The following COL24A1 variants were observed in gnomAD, a reference collection of about 807,000 sequenced individuals.
COL24A1 encodes the protein collagen type XXIV alpha 1 chain, also known as collagen alpha-1(XXIV) chain.
In COL24A1, 224 loss-of-function variants were observed where a neutral mutation model predicts 253.9. That is an observed-to-expected ratio of 0.88 (90% CI 0.79 to 0.99). The LOEUF (loss-of-function observed/expected upper bound fraction) is 0.99, where lower values mean the gene tolerates loss of function less well. Ranked by LOEUF, COL24A1 falls within the 50% of genes least tolerant of loss-of-function variation. The probability of loss-of-function intolerance (pLI) is 0.00; values close to 1 mark genes in which losing one functional copy is unlikely to be tolerated. For synonymous variants in COL24A1, 685 were observed against 673.7 expected, an observed-to-expected ratio of 1.02 and a Z score of -0.26; for missense variants, 2,131 against 2,068.5, an observed-to-expected ratio of 1.03 and a Z score of -0.59.
intron 24 of COL24A1, among the ~76,000 whole-genome samples, chr1:85,912,532 G>GA (rs1168183185): frequency 7.9e-5 from 12 of 152,130 alleles, no homozygotes; most frequent in Non-Finnish European, 1.3e-4. Context: ...ACTGACTCAT[G>GA]AAAAATGACT....
rs576265019 is a variant in COL24A1 at position 86,022,939 on chromosome 1, C to T, written c.2103+15G>A. 1 of 1,612,916 alleles carries T rather than the reference C, an allele frequency of 6.2e-7. No homozygotes were observed. The highest frequency in any genetic ancestry group is 1.1e-5 in the South Asian group (1 of 90,956). ...AGATTAAAGGGAAATATCCATTATA[C>T]AAATAGAACCATACCATTGGGCCAG... is the stretch of plus-strand genomic sequence containing the variant. On this transcript the variant is annotated intron_variant, in intron 15 of 59. Transcript: ENST00000370571.
At chr1:85,847,581 A>G (rs1275126357) in intron 39 of COL24A1, 84 bp downstream of exon 39, 4 of 913,166 alleles carry the variant, frequency 4.4e-6, no homozygotes, top group Non-Finnish European at 7.0e-6. Flanking sequence ...TGTAAAGCTA[A>G]TCAAGGGATG....
intron 14 of COL24A1, among the ~76,000 whole-genome samples, chr1:86,029,611 ATTTT>A (rs199577782): frequency 1.5e-5 from 2 of 129,566 alleles, no homozygotes; most frequent in Non-Finnish European, 1.6e-5. Flanking sequence ...TATTTATTTG[ATTTT>A]TTTTTTTTTT....
At chr1:86,100,242 T>C (rs1190462278) in intron 5 of COL24A1, among the ~76,000 whole-genome samples, 1 of 152,192 alleles carries the variant, frequency 6.6e-6, no homozygotes, top group African/African-American at 2.4e-5. Flanking sequence ...TTGGATTTAG[T>C]AAACTGTTGT....
intron 31 of COL24A1, among the ~76,000 whole-genome samples, chr1:85,891,363 C>T (rs1279506559): frequency 3.3e-5 from 5 of 151,904 alleles, no homozygotes; most frequent in South Asian, 2.1e-4. Flanking sequence ...TGCGCCCGGC[C>T]GTAAGTTGCA....
intron 2 of COL24A1, among the ~76,000 whole-genome samples, chr1:86,133,985 T>TA (rs1649767652): frequency 6.8e-6 from 1 of 148,048 alleles, no homozygotes; most frequent in Non-Finnish European, 1.5e-5. Flanking sequence ...TCCTGGACTT[T>TA]TTTTTGGTTG....
intron 7 of COL24A1, among the ~76,000 whole-genome samples, chr1:86,068,329 T>C (rs1701639265): frequency 6.6e-6 from 1 of 152,118 alleles, no homozygotes; most frequent in Non-Finnish European, 1.5e-5. Context: ...CCCTGCAGTG[T>C]GGAGAGAGAA....
intron 24 of COL24A1, among the ~76,000 whole-genome samples, chr1:85,917,859 G>C (rs574102758): frequency 1.3e-5 from 2 of 151,812 alleles, no homozygotes; most frequent in Admixed American, 6.6e-5. Context: ...CATGCACCAC[G>C]ACGCCCAGCT....
intron 24 of COL24A1, among the ~76,000 whole-genome samples, chr1:85,924,286 T>G (rs188823023): frequency 6.6e-6 from 1 of 152,012 alleles, no homozygotes; most frequent in South Asian, 2.1e-4. Flanking sequence ...TTCCAAGCAA[T>G]AGAAAAAGAG....
chr1:85,850,005 G>A (rs533973924), intron 37 of COL24A1, among the ~76,000 whole-genome samples: 7 of 152,158 alleles, frequency 4.6e-5, no homozygotes, highest in East Asian at 1.9e-4. Flanking sequence ...AGAGATATTC[G>A]TTGATCTGTG....
At chr1:85,785,039 T>A (rs779128091) in intron 48 of COL24A1, among the ~76,000 whole-genome samples, 2 of 152,144 alleles carry the variant, frequency 1.3e-5, no homozygotes, top group Non-Finnish European at 2.9e-5. Context: ...CCAGAACTTG[T>A]ATTTTGAATT....
intron 5 of COL24A1, among the ~76,000 whole-genome samples, chr1:86,097,705 T>C (rs1023693854): frequency 2.0e-5 from 3 of 150,850 alleles, no homozygotes; most frequent in African/African-American, 7.3e-5. Context: ...CCTCTTCCTA[T>C]TTATTAAACT....
chr1:85,849,948 C>T (rs1339697635), intron 37 of COL24A1, among the ~76,000 whole-genome samples: 4 of 151,430 alleles, frequency 2.6e-5, no homozygotes, highest in South Asian at 2.1e-4. Flanking sequence ...GTGTCTAGTA[C>T]GTGGTCAAAG....
At chr1:86,015,874 C>T (rs1696937213) in intron 19 of COL24A1, among the ~76,000 whole-genome samples, 1 of 137,146 alleles carries the variant, frequency 7.3e-6, no homozygotes, top group Non-Finnish European at 1.6e-5. Flanking sequence ...TTTGAAGACT[C>T]TACTTTTTCT....
chr1:85,874,788 C>A, intron 34 of COL24A1, 86 bp from the exon 35 acceptor site: 2 of 1,448,814 alleles, frequency 1.4e-6, no homozygotes, highest in Non-Finnish European at 9.5e-7. Context: ...GCACAGTTCC[C>A]CAACGCCTGG....
intron 19 of COL24A1, among the ~76,000 whole-genome samples, chr1:86,010,545 C>T (rs977831027): frequency 3.3e-5 from 5 of 152,084 alleles, no homozygotes; most frequent in Admixed American, 3.3e-4. Context: ...AGGAATTTGG[C>T]AATATCTAAC....
At chr1:86,045,116 A>C (rs1699797151) in intron 12 of COL24A1, among the ~76,000 whole-genome samples, 1 of 151,998 alleles carries the variant, frequency 6.6e-6, no homozygotes, top group African/African-American at 2.4e-5. Context: ...CAACCTCCTG[A>C]GTAGCTGGGA....
chr1:85,730,736 A>C, intron 59 of COL24A1, 44 bp from the exon 60 acceptor site: 3 of 1,598,030 alleles, frequency 1.9e-6, no homozygotes, highest in Non-Finnish European at 2.6e-6. Context: ...TTTCATTAGC[A>C]GTCACTTTCA....
chr1:85,765,111 A>C (rs1667225889), intron 53 of COL24A1, among the ~76,000 whole-genome samples: 1 of 152,198 alleles, frequency 6.6e-6, no homozygotes, highest in Non-Finnish European at 1.5e-5. Context: ...TTACTGTGTT[A>C]ATATTTAGGA....
Sources: allele counts gnomAD v4.1 joint callset (sites outside exome capture counted in the v4.1 genomes callset), GRCh38; gene constraint gnomAD v4.1.1; transcripts MANE v1.5; gene names NCBI Gene and HGNC (gene_info 2026-07-23, HGNC 2026-07-21).